The following DCDC2 variants were observed in gnomAD, a reference collection of about 807,000 sequenced individuals.
DCDC2 encodes doublecortin domain-containing protein 2.
In DCDC2, 40 loss-of-function variants were observed where a neutral mutation model predicts 50.2. That is an observed-to-expected ratio of 0.80 (90% CI 0.62 to 1.04). The LOEUF (loss-of-function observed/expected upper bound fraction) is 1.04. Ranked by LOEUF, DCDC2 falls within the 50% of genes least tolerant of loss-of-function variation. The pLI, the probability that DCDC2 is intolerant of heterozygous loss-of-function variation, is 0.00. For synonymous variants in DCDC2, 234 were observed against 210.6 expected, an observed-to-expected ratio of 1.11 and a Z score of -0.96; for missense variants, 570 against 581.9, an observed-to-expected ratio of 0.98 and a Z score of 0.21.
At chr6:24,283,057 A>C (rs1179090998) in intron 6 of DCDC2, among the ~76,000 whole-genome samples, 3 of 152,190 alleles carry the variant, frequency 2.0e-5, no homozygotes, top group African/African-American at 7.2e-5. Context: ...AATGGTAATA[A>C]GGACAACAAA....
At chr6:24,277,316 G>A (rs1447847906) in intron 7 of DCDC2, among the ~76,000 whole-genome samples, 1 of 152,058 alleles carries the variant, frequency 6.6e-6, no homozygotes, top group Non-Finnish European at 1.5e-5. Flanking sequence ...AGAGGAGCAG[G>A]AGTCATTCCA....
chr6:24,273,469 G>T (rs1431201046), intron 7 of DCDC2, among the ~76,000 whole-genome samples: 1 of 152,130 alleles, frequency 6.6e-6, no homozygotes, highest in Non-Finnish European at 1.5e-5. Context: ...TCTGGTATAG[G>T]GTGAATGTGG....
chr6:24,306,547 C>T (rs2487281), intron 2 of DCDC2, among the ~76,000 whole-genome samples: 2,807 of 91,942 alleles, frequency 0.031, 49 homozygotes, highest in African/African-American at 0.089. Context: ...GATAGATAGA[C>T]AGACAGACAG....
At chr6:24,373,039 C>T in the DCDC2 span, among the ~76,000 whole-genome samples, 2 of 152,164 alleles carry the variant, frequency 1.3e-5, no homozygotes, top group Non-Finnish European at 2.9e-5. Context: ...GAAATTCAAA[C>T]TAAAACCTCC....
chr6:24,323,310 C>T (rs900190145), intron 2 of DCDC2, among the ~76,000 whole-genome samples: 27 of 152,292 alleles, frequency 1.8e-4, no homozygotes, highest in African/African-American at 6.3e-4. Flanking sequence ...TCAAAACAAC[C>T]TAGTTTTGGC....
chr6:24,271,775 C>T (rs1297148712), intron 7 of DCDC2, among the ~76,000 whole-genome samples: 1 of 152,162 alleles, frequency 6.6e-6, no homozygotes, highest in Admixed American at 6.5e-5. Flanking sequence ...TGAATTATGG[C>T]TTACATAGAA....
At chr6:24,377,678 A>T in the DCDC2 span, among the ~76,000 whole-genome samples, 6 of 152,208 alleles carry the variant, frequency 3.9e-5, no homozygotes, top group African/African-American at 1.4e-4. Flanking sequence ...AAACTGGCAT[A>T]TAGGATTAAA....
chr6:24,345,844 T>C (rs1006338824), intron 2 of DCDC2, among the ~76,000 whole-genome samples: 40 of 152,280 alleles, frequency 2.6e-4, no homozygotes, highest in African/African-American at 9.1e-4. Flanking sequence ...AACAGACTAC[T>C]AAATTTTTTA....
At chr6:24,344,621 T>C (rs901477206) in intron 2 of DCDC2, among the ~76,000 whole-genome samples, 1 of 152,226 alleles carries the variant, frequency 6.6e-6, no homozygotes, top group East Asian at 1.9e-4. Flanking sequence ...TTGAGAGTTA[T>C]TGATGAATAT....
At chr6:24,294,512 A>G (rs1763818596) in intron 4 of DCDC2, among the ~76,000 whole-genome samples, 1 of 152,156 alleles carries the variant, frequency 6.6e-6, no homozygotes. Flanking sequence ...AAACTATTCA[A>G]AAGATCAATG....
intron 7 of DCDC2, among the ~76,000 whole-genome samples, chr6:24,250,715 C>T (rs1762778683): frequency 6.6e-6 from 1 of 151,826 alleles, no homozygotes; most frequent in Admixed American, 6.6e-5. Flanking sequence ...CAACTTATAT[C>T]CTAATCCTTA....
At chr6:24,177,434 A>G (rs934302463) in intron 9 of DCDC2, among the ~76,000 whole-genome samples, 8 of 152,246 alleles carry the variant, frequency 5.3e-5, no homozygotes, top group Non-Finnish European at 7.3e-5. Context: ...TAAATAATCA[A>G]GTAGACCTCA....
At chr6:24,265,100 A>T (rs1763090986) in intron 7 of DCDC2, among the ~76,000 whole-genome samples, 1 of 152,156 alleles carries the variant, frequency 6.6e-6, no homozygotes, top group African/African-American at 2.4e-5. Context: ...CAGGAGTTCA[A>T]GACCAGCCTG....
the DCDC2 span, among the ~76,000 whole-genome samples, chr6:24,378,893 A>T: frequency 5.5e-4 from 80 of 144,552 alleles, no homozygotes; most frequent in Middle Eastern, 7.1e-3. Flanking sequence ...TCAAGGCTGC[A>T]GTGAGCTATG....
intron 6 of DCDC2, among the ~76,000 whole-genome samples, chr6:24,280,405 T>C (rs1367523252): frequency 6.6e-6 from 1 of 151,998 alleles, no homozygotes; most frequent in Non-Finnish European, 1.5e-5. Flanking sequence ...GATTCTTTCT[T>C]GAGAAACTTA....
chr6:24,345,041 TTCC>T (rs1372849738), intron 2 of DCDC2, among the ~76,000 whole-genome samples: 1 of 152,192 alleles, frequency 6.6e-6, no homozygotes, highest in East Asian at 1.9e-4. Flanking sequence ...CCGGAAAGTT[TTCC>T]TCAAGTTAAC....
intron 8 of DCDC2, among the ~76,000 whole-genome samples, chr6:24,183,114 A>G (rs1355332493): frequency 3.3e-5 from 5 of 152,220 alleles, no homozygotes; most frequent in African/African-American, 1.2e-4. Flanking sequence ...AGAGAGTAGA[A>G]TGCTGATTGC....
intron 4 of DCDC2, among the ~76,000 whole-genome samples, chr6:24,295,942 C>T (rs1044553198): frequency 6.6e-6 from 1 of 152,134 alleles, no homozygotes; most frequent in Non-Finnish European, 1.5e-5. Flanking sequence ...ATCAAACTAC[C>T]ATTAACATTC....
chr6:24,304,557 G>T (rs1200546161), intron 2 of DCDC2, among the ~76,000 whole-genome samples: 1 of 152,176 alleles, frequency 6.6e-6, no homozygotes, highest in African/African-American at 2.4e-5. Flanking sequence ...TAAAGGGGGT[G>T]TACAGTAAAA....
Sources: allele counts gnomAD v4.1 joint callset (sites outside exome capture counted in the v4.1 genomes callset), GRCh38; gene constraint gnomAD v4.1.1; transcripts MANE v1.5; gene names NCBI Gene and HGNC (gene_info 2026-07-23, HGNC 2026-07-21).